The following GLRX3 variants were observed in gnomAD, a reference collection of about 807,000 sequenced individuals.
The protein encoded by GLRX3 is glutaredoxin 3, also known as glutaredoxin-3.
In GLRX3, 22 loss-of-function variants were observed where a neutral mutation model predicts 49.5. The observed-to-expected ratio is 0.44, with a 90% CI of 0.32 to 0.63. The LOEUF (loss-of-function observed/expected upper bound fraction) is 0.63. GLRX3 is among the 30% of genes least tolerant of loss of function. The probability of loss-of-function intolerance (pLI) is 0.05; values close to 1 mark genes in which losing one functional copy is unlikely to be tolerated. For missense variants in GLRX3, 385 were observed against 396.3 expected (o/e 0.97, Z 0.24); for synonymous variants, 133 against 140.0 (o/e 0.95, Z 0.35).
intron 2 of GLRX3, among the ~76,000 whole-genome samples, chr10:130,149,313 A>C (rs768238735): frequency 1.3e-5 from 2 of 152,022 alleles, no homozygotes; most frequent in African/African-American, 4.8e-5. Flanking sequence ...ATGATGGCGC[A>C]TGCCTGTAAT....
intron 1 of GLRX3, among the ~76,000 whole-genome samples, chr10:130,138,409 C>A (rs1412875241): frequency 1.3e-5 from 2 of 152,068 alleles, no homozygotes; most frequent in Non-Finnish European, 2.9e-5. Flanking sequence ...GAATTAGAGG[C>A]AAGTAGTACT....
chr10:130,175,368 A>T (rs12262460), intron 10 of GLRX3, among the ~76,000 whole-genome samples: 13,166 of 152,108 alleles, frequency 0.087, 921 homozygotes, highest in African/African-American at 0.19. Context: ...TCCTTGTTAG[A>T]TCCTGCTTCA....
intron 2 of GLRX3, among the ~76,000 whole-genome samples, chr10:130,156,211 T>G (rs1862467767): frequency 6.6e-6 from 1 of 152,198 alleles, no homozygotes; most frequent in Non-Finnish European, 1.5e-5. Context: ...TGGCAAGGGC[T>G]TGCTCTCTGT....
chr10:130,141,395 G>A (rs541413977), intron 1 of GLRX3, among the ~76,000 whole-genome samples: 1 of 152,286 alleles, frequency 6.6e-6, no homozygotes, highest in African/African-American at 2.4e-5. Flanking sequence ...ACAATGCACA[G>A]ATCTTAATCG....
intron 10 of GLRX3, among the ~76,000 whole-genome samples, chr10:130,178,671 T>A (rs1862967868): frequency 2.0e-5 from 3 of 152,270 alleles, no homozygotes; most frequent in Middle Eastern, 3.4e-3. Flanking sequence ...CTAAACAATC[T>A]GTTGGTTTTA....
At chr10:130,145,589 G>T (rs1301775881) in intron 2 of GLRX3, among the ~76,000 whole-genome samples, 1 of 152,064 alleles carries the variant, frequency 6.6e-6, no homozygotes, top group Non-Finnish European at 1.5e-5. Flanking sequence ...TTGAACCCGG[G>T]AGGCAGAGAT....
chr10:130,148,433 CT>C (rs57482969), intron 2 of GLRX3, among the ~76,000 whole-genome samples: 7,555 of 69,398 alleles, frequency 0.11, 339 homozygotes, highest in East Asian at 0.19. Flanking sequence ...GCCCTTCAGT[CT>C]TTTTTTTTTT....
chr10:130,162,783 G>A (rs1862599645), intron 4 of GLRX3, among the ~76,000 whole-genome samples: 1 of 152,194 alleles, frequency 6.6e-6, no homozygotes, highest in African/African-American at 2.4e-5. Flanking sequence ...TGCACTGGGT[G>A]TCATGCCAGG....
chr10:130,175,773 T>A (rs3793915), intron 10 of GLRX3, among the ~76,000 whole-genome samples: 5,623 of 152,350 alleles, frequency 0.037, 196 homozygotes, highest in East Asian at 0.1. Flanking sequence ...CTGTGTGCTC[T>A]GTAGCTCTTT....
intron 2 of GLRX3, among the ~76,000 whole-genome samples, chr10:130,146,292 G>T (rs1421997476): frequency 6.6e-6 from 1 of 152,194 alleles, no homozygotes; most frequent in Admixed American, 6.5e-5. Context: ...TCAGGAAGGG[G>T]TATGTAAATG....
intron 8 of GLRX3, among the ~76,000 whole-genome samples, chr10:130,172,654 A>G (rs936058833): frequency 1.7e-4 from 26 of 152,216 alleles, no homozygotes; most frequent in East Asian, 1.9e-4. Flanking sequence ...CATAAAAAGA[A>G]TATAGGGCCA....
Position 130,166,534 on chromosome 10 carries a change from T to A in GLRX3, c.506T>A (p.Leu169His). ...TTCAGCAAGCAGATGGTGGAAATTC[T>A]TCACAAACATAATATTCAGTTTAGC... ...CGFSKQMVEI[L>H]HKHNIQFSSF... The change falls in exon 5 of 11, where the codon CTT becomes CAT. Residue 169 changes from leucine (L) to histidine (H), a missense_variant. Physicochemically the swap from Leu to His is moderately conservative, Grantham distance 99. Transcript: ENST00000331244. 1 of 1,613,502 alleles carries A rather than the reference T, an allele frequency of 6.2e-7. No individual in the cohort carries two copies. The highest frequency in any genetic ancestry group is 8.5e-7 in the Non-Finnish European group (1 of 1,179,522).
chr10:130,158,772 T>G (rs1473091177), intron 2 of GLRX3, among the ~76,000 whole-genome samples: 1 of 152,228 alleles, frequency 6.6e-6, no homozygotes. Flanking sequence ...ATGCCTTATC[T>G]TTTTGTTCTT....
chr10:130,145,192 G>A lies in GLRX3; in HGVS notation c.93-19G>A, dbSNP rs376653137. 33 of 917,320 alleles carry A rather than the reference G, an allele frequency of 3.6e-5. No individual in the cohort carries two copies. The African/African-American group carries it at 4.9e-4, about 14-fold the overall frequency. The allele number at this position is 917,320 out of a possible 1,614,324, so 56.8% of individuals were successfully genotyped here. A position where few individuals can be genotyped will look rare whatever the true frequency, so the allele number is the denominator to read the frequency against. On this transcript the variant is annotated intron_variant, in intron 1 of 10. Transcript: ENST00000331244. ...AAAATTGGTATAATTTTAAATAAATGCATTTAATTGATTTACAGGTCCCTC... is the reference window on the plus strand; with the variant it reads ...AAAATTGGTATAATTTTAAATAAATACATTTAATTGATTTACAGGTCCCTC...
Position 130,160,944 on chromosome 10 carries a change from A to G in GLRX3, c.425A>G (p.His142Arg). 6.2e-7 allele frequency: 1 copy of G among 1,613,864 alleles called. No individual in the cohort carries two copies. Among genetic ancestry groups the G allele is most frequent in the Non-Finnish European group, 8.5e-7 (1 of 1,179,844 alleles). The change falls in exon 4 of 11, where the codon CAT becomes CGT. Residue 142 changes from histidine to arginine, a missense_variant. This residue lies in a region of GLRX3 where 374 missense variants were observed against 358.6 expected (regional missense o/e 1.04). Coordinates refer to ENST00000331244, the MANE Select transcript of GLRX3 (RefSeq NM_006541.5). ...AACCTTCGCTTGAAGAAATTGACTC[A>G]TGCTGCCCCCTGCATGCTGTTTATG... The part of the protein sequence containing the change: ...DLNLRLKKLT[H>R]AAPCMLFMKG...
At chr10:130,141,679 G>T (rs1344751127) in intron 1 of GLRX3, among the ~76,000 whole-genome samples, 1 of 152,188 alleles carries the variant, frequency 6.6e-6, no homozygotes, top group Non-Finnish European at 1.5e-5. Flanking sequence ...ACATTCTGTT[G>T]TATGAATGTC....
rs1368568443 is a variant in GLRX3, at chr10:130,140,890, T to C, written c.93-4321T>C. 2.6e-5 allele frequency among the ~76,000 whole-genome samples: 4 copies of C among 152,202 alleles called. No individual in the cohort carries two copies. The East Asian group carries it at 5.8e-4, about 22-fold the overall frequency. ...TGCTACGTAAAGTAGTGGGAAAATA[T>C]CCATGTACAGAAAATCTTTGTCTCT... On this transcript the variant is annotated intron_variant, in intron 1 of 10. Transcript: ENST00000331244.
Position 130,179,519 on chromosome 10 carries a change from G to T in GLRX3, c.*127G>T. The T allele has an allele frequency of 1.5e-6, 1 of 662,484 alleles. No homozygotes were observed. Among genetic ancestry groups the T allele is most frequent in the Non-Finnish European group, 2.7e-6 (1 of 370,854 alleles). 41.0% of individuals were successfully genotyped at this position (662,484 alleles called of 1,614,324 possible). A position where few individuals can be genotyped will look rare whatever the true frequency, so the allele number is the denominator to read the frequency against. ...CTGCTTTCTCAGTTACATGTTTTGT[G>T]TATTTCACAATGTCGTGCTAAATAA... is the stretch of plus-strand genomic sequence containing the variant. On this transcript the variant is annotated 3_prime_UTR_variant, in exon 11 of 11. Coordinates refer to ENST00000331244, the MANE Select transcript of GLRX3 (RefSeq NM_006541.5).
chr10:130,154,966 G>A (rs1473415136), intron 2 of GLRX3, among the ~76,000 whole-genome samples: 1 of 152,106 alleles, frequency 6.6e-6, no homozygotes, highest in Non-Finnish European at 1.5e-5. Context: ...ATCTAAGGAA[G>A]AGAGATCTTT....
Sources: gnomAD v4.1 joint callset for allele counts (sites outside exome capture counted in the v4.1 genomes callset) on GRCh38, gnomAD v4.1.1 for gene constraint, gnomAD v4.1.1 regional missense constraint, MANE v1.5 for transcripts, NCBI Gene and HGNC (gene_info 2026-07-23, HGNC 2026-07-21) for gene names.